LRP1B: variants seen among roughly 807,000 people sequenced by gnomAD.
LRP1B encodes the protein low-density lipoprotein receptor-related protein 1B.
LRP1B carries 217 observed loss-of-function variants against 556.6 expected under a neutral mutation model. The observed-to-expected ratio is 0.39, with a 90% CI of 0.35 to 0.44. LRP1B has a LOEUF of 0.44. Among genes scored for constraint, LRP1B ranks in the 20% least tolerant of loss-of-function variants. The pLI is 1.00. For synonymous variants in LRP1B, 2,047 were observed against 1,865.8 expected, an observed-to-expected ratio of 1.10 and a Z score of -2.50; for missense variants, 5,053 against 5,620.8, an observed-to-expected ratio of 0.90 and a Z score of 3.23.
chr2:141,304,475 ATTTT>A (rs67213971), intron 3 of LRP1B, among the ~76,000 whole-genome samples: 199 of 83,860 alleles, frequency 2.4e-3, no homozygotes, highest in East Asian at 6.6e-3. Context: ...AGTTTCATTC[ATTTT>A]TTTTTTTTTT....
At chr2:141,673,515 T>G (rs1690753774) in intron 2 of LRP1B, among the ~76,000 whole-genome samples, 1 of 152,150 alleles carries the variant, frequency 6.6e-6, no homozygotes, top group Non-Finnish European at 1.5e-5. Context: ...CTGGACATAT[T>G]TCAATACATC....
At chr2:141,231,677 T>C (rs1244711872) in intron 5 of LRP1B, among the ~76,000 whole-genome samples, 2 of 151,160 alleles carry the variant, frequency 1.3e-5, no homozygotes, top group Non-Finnish European at 2.9e-5. Flanking sequence ...AAATTGTTAT[T>C]GCTATCGTGT....
At chr2:141,722,344 C>A (rs997500586) in intron 2 of LRP1B, among the ~76,000 whole-genome samples, 19 of 152,114 alleles carry the variant, frequency 1.2e-4, no homozygotes, top group African/African-American at 4.1e-4. Flanking sequence ...CGCCACTGCA[C>A]TACAGCTTGG....
intron 2 of LRP1B, among the ~76,000 whole-genome samples, chr2:141,509,609 T>C (rs1684049594): frequency 6.6e-6 from 1 of 152,164 alleles, no homozygotes; most frequent in African/African-American, 2.4e-5. Context: ...AGTCAAACTT[T>C]GGAAGACGTG....
At chr2:140,255,420 T>C (rs1681629801) in intron 86 of LRP1B, among the ~76,000 whole-genome samples, 1 of 152,200 alleles carries the variant, frequency 6.6e-6, no homozygotes, top group African/African-American at 2.4e-5. Flanking sequence ...GTCATAAATA[T>C]CTTTACATAT....
intron 7 of LRP1B, among the ~76,000 whole-genome samples, chr2:141,112,822 T>C (rs1481857175): frequency 2.0e-5 from 3 of 152,188 alleles, no homozygotes; most frequent in South Asian, 4.1e-4. Flanking sequence ...AAAAGGCAAA[T>C]TGATTAATAA....
intron 25 of LRP1B, among the ~76,000 whole-genome samples, chr2:140,874,701 A>G (rs529391029): frequency 6.6e-6 from 1 of 152,088 alleles, no homozygotes; most frequent in South Asian, 2.1e-4. Context: ...ATATTAAATT[A>G]CAGGGCTTGG....
chr2:141,465,106 CAGAA>C (rs1682130135), intron 3 of LRP1B, among the ~76,000 whole-genome samples: 1 of 151,302 alleles, frequency 6.6e-6, no homozygotes. Context: ...TTAAATAAAA[CAGAA>C]AGAAAGTATA....
chr2:141,642,908 A>G (rs1689396348), intron 2 of LRP1B, among the ~76,000 whole-genome samples: 1 of 152,172 alleles, frequency 6.6e-6, no homozygotes, highest in Non-Finnish European at 1.5e-5. Context: ...TACAAGCTAA[A>G]TAAATCATGC....
intron 2 of LRP1B, among the ~76,000 whole-genome samples, chr2:141,524,580 C>A (rs750116453): frequency 1.1e-4 from 17 of 151,906 alleles, no homozygotes; most frequent in Non-Finnish European, 2.5e-4. Context: ...TTTTTTAGCT[C>A]ATCAGCTGTC....
chr2:140,546,597 T>C (rs1680349001), intron 43 of LRP1B, among the ~76,000 whole-genome samples: 1 of 152,056 alleles, frequency 6.6e-6, no homozygotes, highest in South Asian at 2.1e-4. Context: ...CTCACTATCA[T>C]GAGAACAGCA....
chr2:140,795,027 C>G (rs563300369), intron 32 of LRP1B, among the ~76,000 whole-genome samples: 5 of 152,246 alleles, frequency 3.3e-5, no homozygotes, highest in African/African-American at 1.2e-4. Flanking sequence ...AAAGACAATA[C>G]TAGAGATAAT....
At chr2:140,296,689 TAAG>T (rs1413739552) in intron 84 of LRP1B, among the ~76,000 whole-genome samples, 1 of 152,190 alleles carries the variant, frequency 6.6e-6, no homozygotes, top group African/African-American at 2.4e-5. Flanking sequence ...GACGATGTTT[TAAG>T]AAGGATGAAA....
At chr2:140,682,176 G>A (rs970265793) in intron 41 of LRP1B, among the ~76,000 whole-genome samples, 2 of 152,160 alleles carry the variant, frequency 1.3e-5, no homozygotes, top group Admixed American at 1.3e-4. Context: ...GACAGAATGG[G>A]CATTTAGGAC....
At chr2:140,495,398 C>G (rs1018954893) in intron 56 of LRP1B, among the ~76,000 whole-genome samples, 167 bp downstream of exon 56, 4 of 148,286 alleles carry the variant, frequency 2.7e-5, no homozygotes, top group African/African-American at 1.0e-4. Flanking sequence ...TTATTATGAA[C>G]AGAGCATACA....
At position 140,379,621 on chromosome 2, in the gene LRP1B, G is replaced by C. The variant is rs189666378; in HGVS notation, c.10532-1335C>G. Reference sequence around the variant, plus strand: ...GAGGTGGGATAATTACTTGAATCTGGGAGACAGAGGCTGCAGTGAGCTGAG... The same window carrying C: ...GAGGTGGGATAATTACTTGAATCTGCGAGACAGAGGCTGCAGTGAGCTGAG... On this transcript the variant is annotated intron_variant, in intron 67 of 90. Transcript: ENST00000389484. 2.5e-3 allele frequency among the ~76,000 whole-genome samples: 387 copies of C among 152,224 alleles called. 2 individuals are homozygous for C. The highest frequency in any genetic ancestry group is 8.8e-3 in the African/African-American group (366 of 41,540).
chr2:141,767,759 A>AT (rs1298086183), intron 2 of LRP1B, among the ~76,000 whole-genome samples: 1 of 152,128 alleles, frequency 6.6e-6, no homozygotes, highest in African/African-American at 2.4e-5. Context: ...ATTTTCCCCT[A>AT]TTTCAAGTTC....
At chr2:140,769,454 A>C in intron 34 of LRP1B, 110 bp from the exon 35 acceptor site, 18 of 1,115,942 alleles carry the variant, frequency 1.6e-5, no homozygotes, top group Non-Finnish European at 2.1e-5. Context: ...ATGTTAACAA[A>C]TGTATTTCCT....
intron 60 of LRP1B, among the ~76,000 whole-genome samples, chr2:140,461,789 G>A (rs934040458): frequency 4.6e-5 from 7 of 151,946 alleles, no homozygotes; most frequent in Middle Eastern, 3.4e-3. Context: ...AGCTGTGATC[G>A]CGCCATTGCA....
Sources: gnomAD v4.1 joint callset for allele counts (sites outside exome capture counted in the v4.1 genomes callset) on GRCh38, gnomAD v4.1.1 for gene constraint, MANE v1.5 for transcripts, NCBI Gene and HGNC (gene_info 2026-07-23, HGNC 2026-07-21) for gene names.